The following TINCR variants were observed in gnomAD, a reference collection of about 807,000 sequenced individuals.
The protein encoded by TINCR is TINCR ubiquitin domain containing.
chr19:5,564,587 CTTTTG>C (rs1288451767), intron 1 of TINCR, among the ~76,000 whole-genome samples: 8 of 151,952 alleles, frequency 5.3e-5, no homozygotes, highest in South Asian at 2.1e-4. Flanking sequence ...TCTCTTTTTT[CTTTTG>C]TTTTGAGACG....
downstream of TINCR, chr19:5,558,346 G>A (rs1235769815): frequency 6.6e-6 from 1 of 152,282 alleles, no homozygotes; most frequent in East Asian, 1.9e-4. Flanking sequence ...AAGCAGCAGG[G>A]TCCTTGAGGG....
At position 5,565,849 on chromosome 19, in the gene TINCR, C is replaced by A. The variant is rs2052125729; in HGVS notation, c.260+1816G>T. ...ATAAAATCCAGGGTAATTCACATGGCCCCCGTCCCTCTCCTGTTCAATGCT... is the reference window on the plus strand; with the variant it reads ...ATAAAATCCAGGGTAATTCACATGGACCCCGTCCCTCTCCTGTTCAATGCT... On this transcript the variant is annotated intron_variant, in intron 1 of 1. Transcript: ENST00000646160. This position sits in a 1 kb window ranked among gnomAD's most constrained non-coding sequence, Gnocchi z 4.0. 2.0e-5 allele frequency among the ~76,000 whole-genome samples: 3 copies of A among 152,142 alleles called. No homozygotes were observed.
Position 5,563,157 on chromosome 19 carries a change from G to A in TINCR, c.261-208C>T, listed in dbSNP as rs2052109938. Among the ~76,000 whole-genome samples, 1 of 151,960 alleles carries A rather than the reference G, an allele frequency of 6.6e-6. No individual in the cohort carries two copies. The highest frequency in any genetic ancestry group is 1.5e-5 in the Non-Finnish European group (1 of 68,012). ...GAGGGAATACAGCAGGTCATCCAGG[G>A]TCTTGCAAGCCTCAGGAAGGACTTG... On this transcript the variant is annotated intron_variant, in intron 1 of 1. Coordinates refer to ENST00000646160, the Ensembl canonical transcript of TINCR. This position sits in a 1 kb window ranked among gnomAD's most constrained non-coding sequence, Gnocchi z 4.7.
chr19:5,559,073 C>T (rs750755300), downstream of TINCR: 28 of 152,152 alleles, frequency 1.8e-4, no homozygotes, highest in African/African-American at 6.5e-4. Context: ...CCAGCGCTGT[C>T]GAGGCTTAAG....
downstream of TINCR, chr19:5,560,412 G>A: frequency 6.6e-6 from 1 of 152,280 alleles, no homozygotes. This position sits in a 1 kb window ranked among gnomAD's most constrained non-coding sequence, Gnocchi z 4.5. Context: ...CATGGTGCCT[G>A]GAGAGTGTAC....
At chr19:5,558,313 AGT>A (rs1472779476), downstream of TINCR, 1 of 152,220 alleles carries the variant, frequency 6.6e-6, no homozygotes, top group Non-Finnish European at 1.5e-5. Context: ...GTGGATCCCG[AGT>A]GAGTCAGAAG....
In TINCR at chr19:5,563,766, T is replaced by G. The variant is rs2052113260; in HGVS notation, c.261-817A>C. ...GGTCTCTACTAAAAATACAAAAAAATTAGCCAGGCATGGTGGCGGGCGCCT... is the reference window on the plus strand; with the variant it reads ...GGTCTCTACTAAAAATACAAAAAAAGTAGCCAGGCATGGTGGCGGGCGCCT... On this transcript the variant is annotated intron_variant, in intron 1 of 1. Transcript: ENST00000646160. The surrounding 1 kb of genome is among the most constrained non-coding windows in gnomAD (Gnocchi z 4.7). Among the ~76,000 whole-genome samples, 1 of 151,924 alleles carries G rather than the reference T, an allele frequency of 6.6e-6. No individual in the cohort carries two copies. The highest frequency in any genetic ancestry group is 1.5e-5 in the Non-Finnish European group (1 of 67,966).
At chr19:5,566,012 C>A (rs2052126590) in intron 1 of TINCR, among the ~76,000 whole-genome samples, 1 of 152,214 alleles carries the variant, frequency 6.6e-6, no homozygotes, top group Non-Finnish European at 1.5e-5. Context: ...TCTCTGCAGA[C>A]CCCTCCTTGG....
chr19:5,563,633 G>T lies in TINCR; in HGVS notation c.261-684C>A, dbSNP rs990903440. 1.3e-5 allele frequency among the ~76,000 whole-genome samples: 2 copies of T among 152,086 alleles called. No individual in the cohort carries two copies. The highest frequency in any genetic ancestry group is 2.9e-5 in the Non-Finnish European group (2 of 68,020). ...TAAACCGCCAATGATAACGGCACCC[G>T]GCCAGGCACGGTGGCTCACGCGTGT... On this transcript the variant is annotated intron_variant, in intron 1 of 1. Coordinates refer to ENST00000646160, the Ensembl canonical transcript of TINCR. The surrounding 1 kb of genome is among the most constrained non-coding windows in gnomAD (Gnocchi z 4.7).
At chr19:5,567,028 G>C (rs2052133287) in intron 1 of TINCR, among the ~76,000 whole-genome samples, 1 of 150,730 alleles carries the variant, frequency 6.6e-6, no homozygotes, top group South Asian at 2.1e-4. Context: ...AGGCAGAGAT[G>C]GAGAGAGACA....
rs562146556 is a variant in TINCR, at chr19:5,565,547, C to T, written c.260+2118G>A. Among the ~76,000 whole-genome samples, 1 of 152,286 alleles carries T rather than the reference C, an allele frequency of 6.6e-6. No homozygotes were observed. Among genetic ancestry groups the T allele is most frequent in the Admixed American group, 6.5e-5 (1 of 15,298 alleles). ...CTGTACTGCATAATTACAGTCTGGACGTCTGAGGGTCGTCCAGCCCCCAGA... is the reference window on the plus strand; with the variant it reads ...CTGTACTGCATAATTACAGTCTGGATGTCTGAGGGTCGTCCAGCCCCCAGA... On this transcript the variant is annotated intron_variant, in intron 1 of 1. Coordinates refer to ENST00000646160, the Ensembl canonical transcript of TINCR. This position sits in a 1 kb window ranked among gnomAD's most constrained non-coding sequence, Gnocchi z 4.0.
intron 1 of TINCR, among the ~76,000 whole-genome samples, chr19:5,566,052 T>C (rs556545204): frequency 7.2e-5 from 11 of 152,304 alleles, no homozygotes; most frequent in African/African-American, 2.6e-4. Context: ...GAGGGTCGTC[T>C]TGGCCAGGGG....
In TINCR at chr19:5,565,626, C is replaced by A. The variant is rs564363923; in HGVS notation, c.260+2039G>T. Among the ~76,000 whole-genome samples, 5 of 152,198 alleles carry A rather than the reference C, an allele frequency of 3.3e-5. No homozygotes were observed. The South Asian group carries it at 1.0e-3, about 32-fold the overall frequency. ...CCCTCTCCTAGCCCCAAGCTCTGAA[C>A]CTCCATCCCTCATCATCCTCTCAGC... On this transcript the variant is annotated intron_variant, in intron 1 of 1. Transcript: ENST00000646160. The surrounding 1 kb of genome is among the most constrained non-coding windows in gnomAD (Gnocchi z 4.0).
Position 5,563,322 on chromosome 19 carries a change from G to A in TINCR, c.261-373C>T, listed in dbSNP as rs936781845. 3.0e-4 allele frequency among the ~76,000 whole-genome samples: 46 copies of A among 152,140 alleles called. No homozygotes were observed. Among genetic ancestry groups the A allele is most frequent in the African/African-American group, 1.0e-3 (43 of 41,520 alleles). On this transcript the variant is annotated intron_variant, in intron 1 of 1. Transcript: ENST00000646160. The surrounding 1 kb of genome is among the most constrained non-coding windows in gnomAD (Gnocchi z 4.7). ...TGTAGGGGACAAGGGCAGGGGCTGCGGACCTTGGTGGGGGGCAACTGGGCT... is the reference window on the plus strand; with the variant it reads ...TGTAGGGGACAAGGGCAGGGGCTGCAGACCTTGGTGGGGGGCAACTGGGCT...
rs1429330788 is a variant in TINCR, at chr19:5,563,105, G to A, written c.261-156C>T. Among the ~76,000 whole-genome samples the A allele has an allele frequency of 1.3e-5, 2 of 151,978 alleles. No individual in the cohort carries two copies. The highest frequency in any genetic ancestry group is 2.9e-5 in the Non-Finnish European group (2 of 68,004). On this transcript the variant is annotated intron_variant, in intron 1 of 1. Transcript: ENST00000646160. This position sits in a 1 kb window ranked among gnomAD's most constrained non-coding sequence, Gnocchi z 4.7. ...TGTGGCTGGAGCAGAGTGAGGAAGG[G>A]GAAGAGAGGGAGGAGGAGCAAGCAG...
rs1017876467 is a variant in TINCR at position 5,565,783 on chromosome 19, C to T, written c.260+1882G>A. On this transcript the variant is annotated intron_variant, in intron 1 of 1. Transcript: ENST00000646160. The surrounding 1 kb of genome is among the most constrained non-coding windows in gnomAD (Gnocchi z 4.0). The stretch of plus-strand genomic sequence containing the variant: ...TGCCCTCAAAACATCAACCCAGGCT[C>T]GGTGACTCAAGCCTCTAGAGGGCTG... 5.9e-5 allele frequency among the ~76,000 whole-genome samples: 9 copies of T among 152,268 alleles called. No individual in the cohort carries two copies. The highest frequency in any genetic ancestry group is 5.2e-4 in the Admixed American group (8 of 15,300).
At chr19:5,564,519 G>T (rs1465776700) in intron 1 of TINCR, among the ~76,000 whole-genome samples, 4 of 152,300 alleles carry the variant, frequency 2.6e-5, no homozygotes, top group Middle Eastern at 3.4e-3. Flanking sequence ...GTGTGGTCAG[G>T]GATGGGCAAG....
intron 1 of TINCR, among the ~76,000 whole-genome samples, chr19:5,567,094 AAG>A (rs137971419): frequency 4.6e-5 from 7 of 151,982 alleles, no homozygotes; most frequent in Non-Finnish European, 8.8e-5. Context: ...ACAAAGACAA[AAG>A]AGAGAGAGGT....
At chr19:5,562,583 ACG>A (rs1249639358), downstream of TINCR, 1 of 152,184 alleles carries the variant, frequency 6.6e-6, no homozygotes, top group African/African-American at 2.4e-5. The surrounding 1 kb of genome is among the most constrained non-coding windows in gnomAD (Gnocchi z 4.4). Context: ...AATAAGTAAA[ACG>A]TAGAGAAGTC....
Sources: gnomAD v4.1 joint callset for allele counts (sites outside exome capture counted in the v4.1 genomes callset) on GRCh38, gnomAD v4.1.1 for gene constraint, Gnocchi (gnomAD v3.1) non-coding constraint, MANE v1.5 for transcripts, NCBI Gene and HGNC (gene_info 2026-07-23, HGNC 2026-07-21) for gene names.